GLRA2: variants seen among roughly 807,000 people sequenced by gnomAD.
GLRA2 encodes glycine receptor subunit alpha-2.
In GLRA2, 11 loss-of-function variants were observed where a neutral mutation model predicts 31.6. The ratio of observed to expected loss-of-function variants is 0.35; its 90% CI spans 0.22 to 0.58. The LOEUF (loss-of-function observed/expected upper bound fraction) is 0.58. Among genes scored for constraint, GLRA2 ranks in the 20% least tolerant of loss-of-function variants. The pLI, the probability that GLRA2 is intolerant of heterozygous loss-of-function variation, is 0.84. For synonymous variants in GLRA2, 132 were observed against 134.0 expected, an observed-to-expected ratio of 0.99 and a Z score of 0.10; for missense variants, 212 against 351.8, an observed-to-expected ratio of 0.60 and a Z score of 3.18.
At chrX:14,460,990 G>A in the GLRA2 span, among the ~76,000 whole-genome samples, 1 of 111,456 alleles carries the variant, frequency 9.0e-6, no homozygotes, top group Non-Finnish European at 1.9e-5. Flanking sequence ...TATCGTGTGG[G>A]CATTTAGTGC....
chrX:14,541,366 G>A (rs976797767), intron 2 of GLRA2, among the ~76,000 whole-genome samples: 1 of 111,168 alleles, frequency 9.0e-6, no homozygotes, highest in Non-Finnish European at 1.9e-5. Flanking sequence ...CCACTCCTTG[G>A]CTGGTTTGAT....
chrX:14,717,740 T>TAA lies in GLRA2; in HGVS notation c.1081-12451_1081-12450dup, dbSNP rs199836154. ...GCAACTGGAAGATCCTTCTGTAAAG[T>TAA]AAAAAAAAAAAAAAAAACCCATCGG... On this transcript the variant is annotated intron_variant, in intron 8 of 8. Transcript: ENST00000218075. Among the ~76,000 whole-genome samples the TAA allele has an allele frequency of 9.4e-3, 736 of 78,329 alleles. 5 individuals are homozygous for TAA. The highest frequency in any genetic ancestry group is 0.026 in the African/African-American group (533 of 20,802). 68.0% of individuals were successfully genotyped at this position (78,329 alleles called of 115,157 possible).
chrX:14,507,758 C>T, the GLRA2 span, among the ~76,000 whole-genome samples: 8 of 89,110 alleles, frequency 9.0e-5, no homozygotes, highest in Non-Finnish European at 1.5e-4. Flanking sequence ...TGCACTGGCA[C>T]AATCAGCTCA....
intron 8 of GLRA2, among the ~76,000 whole-genome samples, chrX:14,714,948 T>C (rs1462977931): frequency 8.9e-6 from 1 of 112,316 alleles, no homozygotes; most frequent in Non-Finnish European, 1.9e-5. Flanking sequence ...AAATACTCCT[T>C]AGTCTTTTGC....
At chrX:14,711,670 C>A (rs1226960560) in intron 8 of GLRA2, among the ~76,000 whole-genome samples, 2 of 112,114 alleles carry the variant, frequency 1.8e-5, no homozygotes, top group Non-Finnish European at 3.8e-5. Context: ...TTCCCTGAAT[C>A]TTCTCAAAAA....
chrX:14,530,991 C>A, intron 1 of GLRA2: 1 of 886,624 alleles, frequency 1.1e-6, no homozygotes, highest in Non-Finnish European at 1.4e-6. Flanking sequence ...AAATGGAACA[C>A]ATAGTAATAA....
At chrX:14,655,462 T>C (rs779581312) in intron 7 of GLRA2, among the ~76,000 whole-genome samples, 11 of 111,346 alleles carry the variant, frequency 9.9e-5, no homozygotes, top group Non-Finnish European at 2.1e-4. Flanking sequence ...CACTCCTGAA[T>C]TACTTCCTTC....
At chrX:14,519,786 T>C in the GLRA2 span, among the ~76,000 whole-genome samples, 1 of 111,902 alleles carries the variant, frequency 8.9e-6, no homozygotes, top group Non-Finnish European at 1.9e-5. Flanking sequence ...CACATATAGA[T>C]AGGTCTTAAG....
intron 7 of GLRA2, among the ~76,000 whole-genome samples, chrX:14,666,472 C>T (rs2091039477): frequency 1.8e-5 from 2 of 111,725 alleles, no homozygotes; most frequent in Non-Finnish European, 3.8e-5. Context: ...AGCAGTTTTC[C>T]CATATCTCTT....
At chrX:14,455,637 T>G in the GLRA2 span, among the ~76,000 whole-genome samples, 2 of 111,724 alleles carry the variant, frequency 1.8e-5, no homozygotes, top group East Asian at 5.6e-4. Context: ...TGTCTATATT[T>G]TGCTATTTGG....
the GLRA2 span, among the ~76,000 whole-genome samples, chrX:14,506,517 C>T: frequency 8.9e-6 from 1 of 111,742 alleles, no homozygotes; most frequent in Admixed American, 9.5e-5. Flanking sequence ...GGGGACTGAA[C>T]ATGCCACACT....
At chrX:14,464,546 A>AT in the GLRA2 span, among the ~76,000 whole-genome samples, 1 of 111,496 alleles carries the variant, frequency 9.0e-6, no homozygotes. Context: ...CTATGTATCT[A>AT]TTTTTTATTT....
chrX:14,714,715 A>C (rs2091760523), intron 8 of GLRA2, among the ~76,000 whole-genome samples: 1 of 112,554 alleles, frequency 8.9e-6, no homozygotes, highest in Non-Finnish European at 1.9e-5. Context: ...ATGTGTGATC[A>C]AGGCAATGAA....
chrX:14,687,727 A>G (rs185343916), intron 7 of GLRA2, among the ~76,000 whole-genome samples: 26 of 111,946 alleles, frequency 2.3e-4, no homozygotes, highest in African/African-American at 8.4e-4. Context: ...GAAGGTTTTT[A>G]GCTTCTTTGT....
At chrX:14,465,423 C>T in the GLRA2 span, among the ~76,000 whole-genome samples, 2 of 111,944 alleles carry the variant, frequency 1.8e-5, no homozygotes, top group Non-Finnish European at 3.8e-5. Flanking sequence ...TTCTTCTTTC[C>T]CAATTTGGAT....
chrX:14,682,721 C>A (rs779193718), intron 7 of GLRA2, among the ~76,000 whole-genome samples: 45 of 92,929 alleles, frequency 4.8e-4, no homozygotes, highest in African/African-American at 1.7e-3. Context: ...CCACGACAGG[C>A]CCCGGTGTGT....
At chrX:14,579,979 AT>A (rs1038499911) in intron 3 of GLRA2, among the ~76,000 whole-genome samples, 4 of 112,017 alleles carry the variant, frequency 3.6e-5, no homozygotes, top group Non-Finnish European at 5.6e-5. Flanking sequence ...CAACTTAATT[AT>A]TTTTTTCCCT....
At position 14,598,213 on chromosome X, in the gene GLRA2, T is replaced by C. The variant is rs768635470; in HGVS notation, c.495-6102T>C. Among the ~76,000 whole-genome samples, 3 of 111,771 alleles carry C rather than the reference T, an allele frequency of 2.7e-5. No homozygotes were observed. The East Asian group carries it at 8.5e-4, about 32-fold the overall frequency. On this transcript the variant is annotated intron_variant, in intron 4 of 8. Transcript: ENST00000218075. Reference sequence around the variant, plus strand: ...TCCTTCCTCTCTGAACAAGAGAAACTATTGTAATCATTAGAATTAACTCTC... The same window carrying C: ...TCCTTCCTCTCTGAACAAGAGAAACCATTGTAATCATTAGAATTAACTCTC...
the GLRA2 span, among the ~76,000 whole-genome samples, chrX:14,450,795 T>A: frequency 9.0e-6 from 1 of 111,335 alleles, no homozygotes; most frequent in East Asian, 2.8e-4. Flanking sequence ...AACCTCCACC[T>A]CCTAAATTCA....
Sources: allele counts gnomAD v4.1 joint callset (sites outside exome capture counted in the v4.1 genomes callset), GRCh38; gene constraint gnomAD v4.1.1; transcripts MANE v1.5; gene names NCBI Gene and HGNC (gene_info 2026-07-23, HGNC 2026-07-21).